The following CSMD1 variants were observed in gnomAD, a reference collection of about 807,000 sequenced individuals.
CSMD1 encodes the protein CUB and Sushi multiple domains 1.
A neutral mutation model predicts 417.5 loss-of-function variants in CSMD1; 213 were observed. The ratio of observed to expected loss-of-function variants is 0.51; its 90% CI spans 0.46 to 0.57. CSMD1 has a LOEUF of 0.57. CSMD1 is among the 20% of genes least tolerant of loss of function. The pLI, the probability that CSMD1 is intolerant of heterozygous loss-of-function variation, is 0.00. For missense variants in CSMD1, 6,923 were observed against 4,529.7 expected, an observed-to-expected ratio of 1.53 and a Z score of -15.17; for synonymous variants, 2,862 against 1,736.8, an observed-to-expected ratio of 1.65 and a Z score of -16.11.
intron 5 of CSMD1, among the ~76,000 whole-genome samples, chr8:3,971,824 A>G (rs1813110243): frequency 6.6e-6 from 1 of 152,208 alleles, no homozygotes; most frequent in Admixed American, 6.5e-5. Flanking sequence ...TGTCTGTTGC[A>G]TGAATTATTT....
At chr8:4,747,660 T>A (rs528554389) in intron 1 of CSMD1, among the ~76,000 whole-genome samples, 12 of 152,206 alleles carry the variant, frequency 7.9e-5, no homozygotes, top group Non-Finnish European at 1.3e-4. Flanking sequence ...ACTCAGTTGT[T>A]GATTTTGCAT....
At chr8:4,770,586 A>C (rs2117142952) in intron 1 of CSMD1, among the ~76,000 whole-genome samples, 1 of 152,160 alleles carries the variant, frequency 6.6e-6, no homozygotes, top group East Asian at 1.9e-4. Context: ...TATAGTAATC[A>C]AAACCTATGG....
chr8:3,207,118 G>C lies in CSMD1; in HGVS notation c.4868-1498C>G, dbSNP rs530160527. Among the ~76,000 whole-genome samples, 4 of 147,440 alleles carry C rather than the reference G, an allele frequency of 2.7e-5. No individual in the cohort carries two copies. The South Asian group carries it at 8.9e-4, about 33-fold the overall frequency. On this transcript the variant is annotated intron_variant, in intron 30 of 69. Transcript: ENST00000635120. ...ATATTTCTACAGCTCATTTCTTCTT[G>C]ATATGGCCATTTTCTTTTTTTTTTT...
At chr8:4,127,418 C>G (rs1041574828) in intron 3 of CSMD1, among the ~76,000 whole-genome samples, 5 of 139,994 alleles carry the variant, frequency 3.6e-5, no homozygotes, top group Non-Finnish European at 6.1e-5. Flanking sequence ...AACCAACCAC[C>G]TTTTCTGAAA....
chr8:2,958,701 C>T (rs147653048), intron 62 of CSMD1, among the ~76,000 whole-genome samples: 216 of 152,352 alleles, frequency 1.4e-3, no homozygotes, highest in Non-Finnish European at 2.7e-3. Flanking sequence ...CCCAGCTTGG[C>T]TTGGGACCAG....
intron 26 of CSMD1, among the ~76,000 whole-genome samples, chr8:3,244,237 ATTCT>A (rs1225584831): frequency 2.0e-5 from 3 of 152,122 alleles, no homozygotes; most frequent in Non-Finnish European, 4.4e-5. Context: ...AACACTTTTT[ATTCT>A]TTCTTTTCCT....
At chr8:3,302,194 G>C (rs1201410447) in intron 25 of CSMD1, among the ~76,000 whole-genome samples, 1 of 152,182 alleles carries the variant, frequency 6.6e-6, no homozygotes, top group Non-Finnish European at 1.5e-5. Flanking sequence ...CACGTGATGA[G>C]CTCTGAGGAG....
chr8:3,304,754 G>C (rs1804693326), intron 25 of CSMD1, among the ~76,000 whole-genome samples: 1 of 151,246 alleles, frequency 6.6e-6, no homozygotes, highest in Non-Finnish European at 1.5e-5. Context: ...TTATTAAAAT[G>C]TTAACAAAGT....
chr8:4,842,958 T>C (rs938357142), intron 1 of CSMD1, among the ~76,000 whole-genome samples: 9 of 152,240 alleles, frequency 5.9e-5, no homozygotes, highest in African/African-American at 2.2e-4. Flanking sequence ...AATCAGCAGA[T>C]TCTCATTTCC....
intron 69 of CSMD1, among the ~76,000 whole-genome samples, chr8:2,940,753 C>T (rs1347109899): frequency 6.6e-6 from 1 of 151,948 alleles, no homozygotes; most frequent in African/African-American, 2.4e-5. Context: ...CAAGACAATC[C>T]CAGTCTTATA....
intron 3 of CSMD1, among the ~76,000 whole-genome samples, chr8:4,368,610 T>C (rs1328493119): frequency 6.6e-6 from 1 of 152,192 alleles, no homozygotes; most frequent in Non-Finnish European, 1.5e-5. Context: ...CCAGGACTTT[T>C]GGTTGGTAGG....
At chr8:4,101,782 G>A (rs921844376) in intron 3 of CSMD1, among the ~76,000 whole-genome samples, 4 of 152,194 alleles carry the variant, frequency 2.6e-5, no homozygotes, top group African/African-American at 9.6e-5. Context: ...CAAATGCTGG[G>A]TACAGAAGTC....
chr8:3,812,589 T>C (rs1297195611), intron 5 of CSMD1, among the ~76,000 whole-genome samples: 1 of 152,184 alleles, frequency 6.6e-6, no homozygotes, highest in Admixed American at 6.5e-5. Context: ...AAATAAATAC[T>C]TACGCTATAA....
intron 7 of CSMD1, among the ~76,000 whole-genome samples, chr8:3,641,634 C>T (rs1284460760): frequency 2.0e-5 from 3 of 152,082 alleles, no homozygotes; most frequent in African/African-American, 7.2e-5. Context: ...GAGAGAATAC[C>T]AGCATTTATA....
chr8:3,082,770 AG>A (rs1814200285), intron 49 of CSMD1, among the ~76,000 whole-genome samples: 3 of 152,334 alleles, frequency 2.0e-5, no homozygotes, highest in Admixed American at 1.3e-4. Flanking sequence ...ATTATACAAA[AG>A]ATACCCTCTC....
At chr8:4,834,992 AG>A (rs1483597502) in intron 1 of CSMD1, among the ~76,000 whole-genome samples, 24 of 39,930 alleles carry the variant, frequency 6.0e-4, no homozygotes, top group Non-Finnish European at 1.8e-3. Context: ...AAAGAAAGAA[AG>A]AAAGAAAGAA....
At chr8:4,076,004 G>A (rs1422309307) in intron 3 of CSMD1, among the ~76,000 whole-genome samples, 1 of 152,072 alleles carries the variant, frequency 6.6e-6, no homozygotes, top group Non-Finnish European at 1.5e-5. Flanking sequence ...GAGGGTGGAG[G>A]GGGGATATTT....
chr8:4,965,178 T>C (rs758179985), intron 1 of CSMD1, among the ~76,000 whole-genome samples: 30 of 152,204 alleles, frequency 2.0e-4, no homozygotes, highest in Non-Finnish European at 3.7e-4. Context: ...ATGAGTTATG[T>C]ATCTAAGAAA....
chr8:3,909,617 C>A (rs922942320), intron 5 of CSMD1, among the ~76,000 whole-genome samples: 3 of 152,068 alleles, frequency 2.0e-5, no homozygotes, highest in African/African-American at 7.2e-5. Context: ...CTGTTAGGCT[C>A]AGGAGCTTGT....
Sources: gnomAD v4.1 joint callset for allele counts (sites outside exome capture counted in the v4.1 genomes callset) on GRCh38, gnomAD v4.1.1 for gene constraint, MANE v1.5 for transcripts, NCBI Gene and HGNC (gene_info 2026-07-23, HGNC 2026-07-21) for gene names.